The following NBAS variants were observed in gnomAD, a reference collection of about 807,000 sequenced individuals.
NBAS encodes the protein NAG/BC035112 fusion.
NBAS carries 219 observed loss-of-function variants against 302.5 expected under a neutral mutation model. The ratio of observed to expected loss-of-function variants is 0.72; its 90% confidence interval spans 0.65 to 0.81. NBAS has a LOEUF of 0.81. Among genes scored for constraint, NBAS ranks in the 30% least tolerant of loss-of-function variants. The probability of loss-of-function intolerance (pLI) is 0.00; values close to 1 mark genes in which losing one functional copy is unlikely to be tolerated. For synonymous variants in NBAS, 1,118 were observed against 1,021.6 expected (o/e 1.09, Z -1.80); for missense variants, 2,932 against 2,841.6 (o/e 1.03, Z -0.72).
intron 51 of NBAS, among the ~76,000 whole-genome samples, chr2:15,168,908 C>T (rs751044275): frequency 2.6e-5 from 4 of 152,164 alleles, no homozygotes; most frequent in Non-Finnish European, 5.9e-5. Flanking sequence ...GGATTACAGG[C>T]GTGGCCACCG....
At chr2:14,994,230 G>A in the NBAS span, among the ~76,000 whole-genome samples, 1 of 152,164 alleles carries the variant, frequency 6.6e-6, no homozygotes, top group African/African-American at 2.4e-5. Flanking sequence ...GCTTAAAACC[G>A]ATTGCCATAA....
intron 25 of NBAS, among the ~76,000 whole-genome samples, chr2:15,404,701 T>A (rs369371571): frequency 6.6e-6 from 1 of 151,846 alleles, no homozygotes; most frequent in African/African-American, 2.4e-5. Context: ...TCAGTAGAGA[T>A]GGACTTTCAC....
chr2:15,516,663 C>T (rs1405932808), intron 9 of NBAS, among the ~76,000 whole-genome samples: 1 of 149,110 alleles, frequency 6.7e-6, no homozygotes, highest in Non-Finnish European at 1.5e-5. Flanking sequence ...GCAGAGGTTG[C>T]AGTGAGCCGA....
At chr2:15,171,090 C>T (rs1405297743) in intron 51 of NBAS, among the ~76,000 whole-genome samples, 2 of 152,196 alleles carry the variant, frequency 1.3e-5, no homozygotes, top group African/African-American at 4.8e-5. Flanking sequence ...AAGCTTGGTA[C>T]TCTCTGACCA....
chr2:14,818,957 A>G, the NBAS span, among the ~76,000 whole-genome samples: 4 of 152,170 alleles, frequency 2.6e-5, 1 homozygote, highest in Non-Finnish European at 5.9e-5. Flanking sequence ...ATTTCTACTC[A>G]TTCTTCAAGA....
chr2:14,930,355 T>A, the NBAS span, among the ~76,000 whole-genome samples: 1 of 152,198 alleles, frequency 6.6e-6, no homozygotes, highest in Non-Finnish European at 1.5e-5. Flanking sequence ...TAGCCTGTGC[T>A]AGGGGAGTGT....
chr2:14,835,776 G>A, the NBAS span, among the ~76,000 whole-genome samples: 1 of 152,052 alleles, frequency 6.6e-6, no homozygotes, highest in East Asian at 1.9e-4. Context: ...GAATAAAGCT[G>A]TTACAAAATC....
chr2:15,328,320 GA>G lies in NBAS; in HGVS notation c.4348-9del. ...ACCACCACATTTTTGCCCCTAAAAA[GA>G]AAAAAAGTACAGAACAATGGATAAA... is the stretch of plus-strand genomic sequence containing the variant. On this transcript the variant is annotated splice_polypyrimidine_tract_variant and intron_variant, in intron 36 of 51. Transcript: ENST00000281513. 1 of 1,605,434 alleles carries G rather than the reference GA, an allele frequency of 6.2e-7. No homozygotes were observed. Among genetic ancestry groups the G allele is most frequent in the Non-Finnish European group, 8.5e-7 (1 of 1,173,118 alleles).
the NBAS span, among the ~76,000 whole-genome samples, chr2:14,878,177 A>T: frequency 6.6e-6 from 1 of 151,964 alleles, no homozygotes; most frequent in Non-Finnish European, 1.5e-5. Flanking sequence ...TCCTCAGAAC[A>T]CTCCTGGCAC....
rs1272367368 is a variant in NBAS at position 15,515,155 on chromosome 2, G to C, written c.747-3805C>G. On this transcript the variant is annotated intron_variant, in intron 9 of 51. Transcript: ENST00000281513. ...CATCTTCACAAAACTGGCAGCTGCT[G>C]AGTGCAGGGCAATGTGCAGGGCACT... 2.6e-5 allele frequency among the ~76,000 whole-genome samples: 4 copies of C among 152,142 alleles called. No individual in the cohort carries two copies. The East Asian group carries it at 7.7e-4, about 29-fold the overall frequency.
chr2:15,449,636 T>C (rs984347572), intron 21 of NBAS, among the ~76,000 whole-genome samples: 2 of 152,074 alleles, frequency 1.3e-5, no homozygotes, highest in African/African-American at 4.8e-5. Context: ...TCTATCAAGA[T>C]CTAAAGTGCC....
At chr2:15,373,255 C>T (rs1161733523) in intron 31 of NBAS, among the ~76,000 whole-genome samples, 1 of 152,026 alleles carries the variant, frequency 6.6e-6, no homozygotes, top group African/African-American at 2.4e-5. Flanking sequence ...CTTAAGATAC[C>T]ACAAGATAGT....
intron 38 of NBAS, among the ~76,000 whole-genome samples, chr2:15,323,265 G>A (rs1014880231): frequency 2.6e-5 from 4 of 152,148 alleles, no homozygotes; most frequent in African/African-American, 9.7e-5. Flanking sequence ...TTTCATCATG[G>A]TGAGGAGACA....
At chr2:15,250,767 T>G (rs1668327633) in intron 44 of NBAS, among the ~76,000 whole-genome samples, 1 of 152,180 alleles carries the variant, frequency 6.6e-6, no homozygotes, top group African/African-American at 2.4e-5. Flanking sequence ...AGATACCGTC[T>G]CATGCCGGTT....
At chr2:15,507,931 C>T (rs549630796) in intron 10 of NBAS, among the ~76,000 whole-genome samples, 8 of 152,262 alleles carry the variant, frequency 5.3e-5, no homozygotes, top group South Asian at 4.1e-4. Flanking sequence ...AGAGAGACTA[C>T]GATGTATGTG....
In NBAS at chr2:15,240,064, G is replaced by C. The variant is rs534828631; in HGVS notation, c.5725-1378C>G. 3.3e-5 allele frequency among the ~76,000 whole-genome samples: 5 copies of C among 152,224 alleles called. No homozygotes were observed. In the East Asian group the frequency reaches 9.7e-4, roughly 29 times the overall value. On this transcript the variant is annotated intron_variant, in intron 44 of 51. Coordinates refer to ENST00000281513, the MANE Select transcript of NBAS (RefSeq NM_015909.4). The stretch of plus-strand genomic sequence containing the variant: ...GATCCTGGGCTGTAGTCTTCTGTCA[G>C]CTACTCAAGTACATTTTTACTATAT...
At chr2:15,505,444 C>A (rs1353891994) in intron 10 of NBAS, among the ~76,000 whole-genome samples, 1 of 152,042 alleles carries the variant, frequency 6.6e-6, no homozygotes, top group East Asian at 1.9e-4. Flanking sequence ...AAATGGCAAA[C>A]AGGAAGAAGT....
the NBAS span, among the ~76,000 whole-genome samples, chr2:15,138,344 G>A: frequency 2.6e-5 from 4 of 152,190 alleles, no homozygotes; most frequent in African/African-American, 4.8e-5. Flanking sequence ...GCCAAGTGGT[G>A]CAGAGTCCAG....
At chr2:14,968,515 G>A in the NBAS span, among the ~76,000 whole-genome samples, 2 of 152,098 alleles carry the variant, frequency 1.3e-5, no homozygotes, top group Admixed American at 6.5e-5. Context: ...ACCATGTGCT[G>A]TAACATCAAA....
Sources: gnomAD v4.1 joint callset for allele counts (sites outside exome capture counted in the v4.1 genomes callset) on GRCh38, gnomAD v4.1.1 for gene constraint, MANE v1.5 for transcripts, NCBI Gene and HGNC (gene_info 2026-07-23, HGNC 2026-07-21) for gene names.